The following CIMIP3 variants were observed in gnomAD, a reference collection of about 807,000 sequenced individuals.
The protein encoded by CIMIP3 is ciliary microtubule inner protein 3.
chr6:42,155,698 G>C, the CIMIP3 span: 1 of 710,314 alleles, frequency 1.4e-6, no homozygotes, highest in South Asian at 1.5e-5. Context: ...GGGAGATGGA[G>C]AGAGGGAACA....
At chr6:42,157,265 C>T in the CIMIP3 span, among the ~76,000 whole-genome samples, 1 of 152,156 alleles carries the variant, frequency 6.6e-6, no homozygotes, top group Non-Finnish European at 1.5e-5. Context: ...CAAGGTCTCA[C>T]TCTGTCACTT....
the CIMIP3 span, among the ~76,000 whole-genome samples, chr6:42,161,402 G>C: frequency 6.6e-6 from 1 of 152,104 alleles, no homozygotes; most frequent in Non-Finnish European, 1.5e-5. Flanking sequence ...GATCCAGCCT[G>C]ACACACACGC....
chr6:42,162,089 TC>T, the CIMIP3 span, among the ~76,000 whole-genome samples: 49 of 115,038 alleles, frequency 4.3e-4, no homozygotes, highest in African/African-American at 1.7e-3. Flanking sequence ...GAAGCCACAT[TC>T]TTTTTTTTTT....
chr6:42,162,052 G>A, the CIMIP3 span, among the ~76,000 whole-genome samples: 1 of 150,974 alleles, frequency 6.6e-6, no homozygotes, highest in African/African-American at 2.4e-5. Context: ...TGCTGGGTAG[G>A]TGGAGGGATG....
the CIMIP3 span, among the ~76,000 whole-genome samples, chr6:42,157,954 T>C: frequency 2.2e-4 from 33 of 152,302 alleles, no homozygotes; most frequent in Admixed American, 8.5e-4. Context: ...GGCTGTCCAT[T>C]GTAGGATACA....
chr6:42,159,527 G>C, the CIMIP3 span, among the ~76,000 whole-genome samples: 1 of 152,212 alleles, frequency 6.6e-6, no homozygotes, highest in Non-Finnish European at 1.5e-5. Context: ...TCCATGCAGG[G>C]TCCAAGAACC....
chr6:42,156,583 G>A, the CIMIP3 span, among the ~76,000 whole-genome samples: 2 of 152,204 alleles, frequency 1.3e-5, no homozygotes. Context: ...AGGGAAACGT[G>A]CTCTCCTATA....
the CIMIP3 span, among the ~76,000 whole-genome samples, chr6:42,161,561 C>A: frequency 6.6e-6 from 1 of 152,054 alleles, no homozygotes; most frequent in East Asian, 1.9e-4. Context: ...AGGGTAGTGA[C>A]AGAGGAATAA....
the CIMIP3 span, chr6:42,163,322 G>A: frequency 2.1e-6 from 1 of 480,408 alleles, no homozygotes; most frequent in Non-Finnish European, 3.8e-6. Context: ...GGGAAGGGCT[G>A]CTCACTGCAG....
At chr6:42,162,614 G>A in the CIMIP3 span, among the ~76,000 whole-genome samples, 2 of 148,708 alleles carry the variant, frequency 1.3e-5, no homozygotes, top group Admixed American at 6.7e-5. Context: ...ACGGACAGAC[G>A]ATTGGATGCA....
At chr6:42,162,580 C>T in the CIMIP3 span, among the ~76,000 whole-genome samples, 26,087 of 148,900 alleles carry the variant, frequency 0.18, 2,920 homozygotes, top group East Asian at 0.4. Context: ...GAGGGGAGGG[C>T]CACACAGGAG....
At chr6:42,156,830 A>G in the CIMIP3 span, among the ~76,000 whole-genome samples, 2 of 152,368 alleles carry the variant, frequency 1.3e-5, no homozygotes, top group South Asian at 4.1e-4. Context: ...CAGAGCTCAG[A>G]CCTTCAAACA....
At chr6:42,158,221 C>G in the CIMIP3 span, among the ~76,000 whole-genome samples, 1 of 152,250 alleles carries the variant, frequency 6.6e-6, no homozygotes, top group Non-Finnish European at 1.5e-5. Context: ...AGGCCCCACC[C>G]TCAGCCAGAG....
the CIMIP3 span, among the ~76,000 whole-genome samples, chr6:42,156,698 C>A: frequency 6.6e-6 from 1 of 152,238 alleles, no homozygotes; most frequent in African/African-American, 2.4e-5. Flanking sequence ...TCATGGCACC[C>A]CACCACAAGC....
chr6:42,163,128 C>T, the CIMIP3 span: 1 of 700,022 alleles, frequency 1.4e-6, no homozygotes, highest in East Asian at 2.7e-5. Context: ...TACTCCAACT[C>T]CCTGAACCCC....
chr6:42,163,023 T>C, the CIMIP3 span: 7 of 717,302 alleles, frequency 9.8e-6, 1 homozygote, highest in South Asian at 8.9e-5. Context: ...AAGCAGGACC[T>C]CGAGCAGTCT....
At chr6:42,156,987 C>T in the CIMIP3 span, among the ~76,000 whole-genome samples, 2 of 152,222 alleles carry the variant, frequency 1.3e-5, no homozygotes, top group African/African-American at 4.8e-5. Flanking sequence ...CTGGGCAAGG[C>T]CATGTGCCTA....
the CIMIP3 span, among the ~76,000 whole-genome samples, chr6:42,155,930 C>T: frequency 6.6e-6 from 1 of 152,018 alleles, no homozygotes; most frequent in African/African-American, 2.4e-5. Flanking sequence ...CATTATACTT[C>T]GGAAAATTGA....
the CIMIP3 span, among the ~76,000 whole-genome samples, chr6:42,157,949 T>G: frequency 6.6e-6 from 1 of 152,090 alleles, no homozygotes; most frequent in Non-Finnish European, 1.5e-5. Context: ...GCGGGGGCTG[T>G]CCATTGTAGG....
Sources: gnomAD v4.1 joint callset for allele counts (sites outside exome capture counted in the v4.1 genomes callset) on GRCh38, gnomAD v4.1.1 for gene constraint, MANE v1.5 for transcripts, NCBI Gene and HGNC (gene_info 2026-07-23, HGNC 2026-07-21) for gene names.